PUM3: variants seen among roughly 807,000 people sequenced by gnomAD.
PUM3 encodes the protein pumilio homolog 3.
A neutral mutation model predicts 84.0 loss-of-function variants in PUM3; 91 were observed. That is an observed-to-expected ratio of 1.08 (90% confidence interval 0.91 to 1.29). The LOEUF (loss-of-function observed/expected upper bound fraction) is 1.29, where lower values mean the gene tolerates loss of function less well. PUM3 is among the 50% of genes most tolerant of loss of function. The probability of loss-of-function intolerance (pLI) is 0.00; values close to 1 mark genes in which losing one functional copy is unlikely to be tolerated. For synonymous variants in PUM3, 321 were observed against 266.7 expected (o/e 1.20, Z -1.98); for missense variants, 1,067 against 767.5 (o/e 1.39, Z -4.61).
chr9:2,817,899 T>C (rs755072815), intron 13 of PUM3, among the ~76,000 whole-genome samples: 1 of 152,250 alleles, frequency 6.6e-6, no homozygotes, highest in Non-Finnish European at 1.5e-5. Context: ...ACTTATTTAC[T>C]TTCCAGCGAC....
chr9:2,823,647 G>A (rs141943862), intron 12 of PUM3, 134 bp downstream of exon 12: 2 of 465,744 alleles, frequency 4.3e-6, no homozygotes, highest in East Asian at 3.5e-5. Flanking sequence ...AATACATGTA[G>A]ATGCAAAGAA....
In PUM3 at chr9:2,833,353, T is replaced by G. The variant is rs768243600; in HGVS notation, c.516+4A>C. 1.9e-6 allele frequency: 3 copies of G among 1,540,274 alleles called. No homozygotes were observed. Among genetic ancestry groups the G allele is most frequent in the Non-Finnish European group, 2.7e-6 (3 of 1,116,688 alleles). ...AATTGCAACAATGAGTATATGCTAC[T>G]TACAGTTTTAATTTTCCCTTGAATC... On this transcript the variant is annotated splice_donor_region_variant and intron_variant, in intron 5 of 17. Coordinates refer to ENST00000397885, the MANE Select transcript of PUM3 (RefSeq NM_014878.5).
chr9:2,827,039 T>A, intron 10 of PUM3, 34 bp downstream of exon 10: 3 of 1,545,664 alleles, frequency 1.9e-6, no homozygotes, highest in Non-Finnish European at 2.7e-6. Context: ...TCCTCCTCCA[T>A]GTTTTAGTTT....
intron 1 of PUM3, among the ~76,000 whole-genome samples, chr9:2,840,777 T>A (rs1816246866): frequency 6.6e-6 from 1 of 152,236 alleles, no homozygotes; most frequent in African/African-American, 2.4e-5. Context: ...TTCCTGGCAC[T>A]GGCTCCAGGT....
intron 11 of PUM3, 85 bp from the exon 12 acceptor site, chr9:2,823,919 T>A: frequency 1.5e-6 from 1 of 666,422 alleles, no homozygotes; most frequent in Non-Finnish European, 2.5e-6. Flanking sequence ...TAATATTTAT[T>A]AAGTTTTCAT....
At chr9:2,841,723 A>C (rs1816271958) in intron 1 of PUM3, among the ~76,000 whole-genome samples, 1 of 152,084 alleles carries the variant, frequency 6.6e-6, no homozygotes, top group African/African-American at 2.4e-5. Context: ...CCAAAAAAAA[A>C]AAAAAAAGGT....
At chr9:2,836,511 G>A (rs111920258) in intron 3 of PUM3, among the ~76,000 whole-genome samples, 45 of 152,292 alleles carry the variant, frequency 3.0e-4, no homozygotes, top group African/African-American at 1.0e-3. Flanking sequence ...TGTTTCAACA[G>A]ACAAGCACGA....
chr9:2,821,003 C>T (rs1314595274), intron 12 of PUM3, among the ~76,000 whole-genome samples: 2 of 152,016 alleles, frequency 1.3e-5, no homozygotes, highest in Non-Finnish European at 2.9e-5. Context: ...TGATAATAGC[C>T]CACAATCATT....
chr9:2,837,170 C>G lies in PUM3; in HGVS notation c.304+10G>C. 2 of 1,610,850 alleles carry G rather than the reference C, an allele frequency of 1.2e-6. No individual in the cohort carries two copies. Among genetic ancestry groups the G allele is most frequent in the East Asian group, 4.5e-5 (2 of 44,866 alleles). ...GGCACTAGTTCAGGCATGAACGAAC[C>G]AGTACTTACCATCGCTTCTACCATC... On this transcript the variant is annotated intron_variant, in intron 3 of 17. Coordinates refer to ENST00000397885, the MANE Select transcript of PUM3 (RefSeq NM_014878.5).
chr9:2,820,573 AGAAAATCC>A (rs1821569319), intron 12 of PUM3, among the ~76,000 whole-genome samples: 1 of 152,140 alleles, frequency 6.6e-6, no homozygotes, highest in African/African-American at 2.4e-5. Context: ...ACATGTACAC[AGAAAATCC>A]TGGAAGGCAA....
In PUM3 at chr9:2,810,196, C is replaced by T. The variant is rs559491767; in HGVS notation, c.1723+148G>A. On this transcript the variant is annotated intron_variant, in intron 16 of 17. Coordinates refer to ENST00000397885, the MANE Select transcript of PUM3 (RefSeq NM_014878.5). ...TAGGGGAAAAAGCATTACCAGCAAC[C>T]ACTGAATCATTTCTTATTCACAGAC... 2.2e-5 allele frequency: 14 copies of T among 622,572 alleles called. No homozygotes were observed. The East Asian group carries it at 4.2e-4, about 19-fold the overall frequency. The allele number at this position is 622,572 out of a possible 1,614,324, so 38.6% of individuals were successfully genotyped here. A position where few individuals can be genotyped will look rare whatever the true frequency, so the allele number is the denominator to read the frequency against.
chr9:2,807,685 A>G (rs1821287273), intron 17 of PUM3, 129 bp downstream of exon 17: 1 of 578,468 alleles, frequency 1.7e-6, no homozygotes, highest in Non-Finnish European at 3.1e-6. Flanking sequence ...ATGTTTGTCT[A>G]GACCATGAGT....
At chr9:2,820,195 T>G in intron 12 of PUM3, 97 bp from the exon 13 acceptor site, 2 of 330,590 alleles carry the variant, frequency 6.0e-6, no homozygotes, top group Non-Finnish European at 5.1e-6. Flanking sequence ...AGAGCGAGAC[T>G]CCGCTCAAAA....
chr9:2,841,274 T>G (rs987100941), intron 1 of PUM3, among the ~76,000 whole-genome samples: 1 of 152,218 alleles, frequency 6.6e-6, no homozygotes, highest in East Asian at 1.9e-4. Context: ...TTGTATCCAT[T>G]CAAAATACTT....
chr9:2,804,669 G>A (rs1018921960), intron 17 of PUM3, among the ~76,000 whole-genome samples: 3 of 152,130 alleles, frequency 2.0e-5, no homozygotes, highest in African/African-American at 7.2e-5. Context: ...CTTGCTGGTG[G>A]AGTCACCCAA....
Position 2,812,425 on chromosome 9 carries a change from G to A in PUM3, c.1270-63C>T, listed in dbSNP as rs185086758. 1.4e-4 allele frequency: 162 copies of A among 1,143,466 alleles called. No homozygotes were observed. The African/African-American group carries it at 2.4e-3, about 17-fold the overall frequency. The allele number at this position is 1,143,466 out of a possible 1,614,324, so 70.8% of individuals were successfully genotyped here. ...GCATTCTCAAAACAAAGTACCACAGGACCTTTCTTCCATATTTGCCATTTA... is the reference window on the plus strand; with the variant it reads ...GCATTCTCAAAACAAAGTACCACAGAACCTTTCTTCCATATTTGCCATTTA... On this transcript the variant is annotated intron_variant, in intron 13 of 17. Transcript: ENST00000397885.
chr9:2,838,567 C>G, intron 1 of PUM3, 50 bp from the exon 2 acceptor site: 1 of 1,094,464 alleles, frequency 9.1e-7, no homozygotes, highest in African/African-American at 1.5e-5. Context: ...TTCTCTTCAT[C>G]AAATAAGAGC....
At chr9:2,809,409 T>C (rs1563824947) in intron 16 of PUM3, among the ~76,000 whole-genome samples, 1 of 152,204 alleles carries the variant, frequency 6.6e-6, no homozygotes, top group Non-Finnish European at 1.5e-5. Context: ...ATGAAAAAGA[T>C]TATTCCATAT....
chr9:2,817,303 GC>G (rs1413336533), intron 13 of PUM3, among the ~76,000 whole-genome samples: 1 of 152,064 alleles, frequency 6.6e-6, no homozygotes, highest in Non-Finnish European at 1.5e-5. Context: ...GTAAACTATG[GC>G]CCATTGGTCA....
Sources: allele counts gnomAD v4.1 joint callset (sites outside exome capture counted in the v4.1 genomes callset), GRCh38; gene constraint gnomAD v4.1.1; transcripts MANE v1.5; gene names NCBI Gene and HGNC (gene_info 2026-07-23, HGNC 2026-07-21).